The following SHOC1 variants were observed in gnomAD, a reference collection of about 807,000 sequenced individuals.
The protein encoded by SHOC1 is protein shortage in chiasmata 1 ortholog.
In SHOC1, 136 loss-of-function variants were observed where a neutral mutation model predicts 179.2. The observed-to-expected ratio is 0.76, with a 90% confidence interval of 0.66 to 0.87. The LOEUF is 0.87. SHOC1 is among the 40% of genes least tolerant of loss of function. The pLI, the probability that SHOC1 is intolerant of heterozygous loss-of-function variation, is 0.00. For missense variants in SHOC1, 1,538 were observed against 1,700.8 expected (o/e 0.90, Z 1.68); for synonymous variants, 489 against 586.6 (o/e 0.83, Z 2.41).
chr9:111,787,816 A>C (rs1836312995), intron 2 of SHOC1, among the ~76,000 whole-genome samples: 1 of 152,194 alleles, frequency 6.6e-6, no homozygotes, highest in Non-Finnish European at 1.5e-5. Flanking sequence ...TGGTGACTGA[A>C]AGAATCAATG....
chr9:111,776,588 TTGTTCTC>T (rs1282808144), intron 4 of SHOC1, among the ~76,000 whole-genome samples: 1 of 152,216 alleles, frequency 6.6e-6, no homozygotes, highest in Non-Finnish European at 1.5e-5. Context: ...CCAAGATTCC[TTGTTCTC>T]TGGCTTCTAG....
chr9:111,789,808 C>T (rs1026580587), intron 2 of SHOC1, among the ~76,000 whole-genome samples: 1 of 152,196 alleles, frequency 6.6e-6, no homozygotes, highest in African/African-American at 2.4e-5. Flanking sequence ...GGCCAATACA[C>T]ATATTTTGTT....
chr9:111,686,926 GT>G, intron 27 of SHOC1, 56 bp from the exon 28 acceptor site: 1 of 959,068 alleles, frequency 1.0e-6, no homozygotes, highest in Non-Finnish European at 1.5e-6. Context: ...TAAAGTATAG[GT>G]TTTTTCTTTT....
intron 23 of SHOC1, among the ~76,000 whole-genome samples, chr9:111,701,112 C>T (rs934048557): frequency 1.1e-4 from 17 of 152,300 alleles, no homozygotes; most frequent in African/African-American, 3.8e-4. Flanking sequence ...CAGCTATATA[C>T]TGAGTCCTCC....
intron 8 of SHOC1, among the ~76,000 whole-genome samples, chr9:111,751,497 A>G (rs918275446): frequency 6.6e-6 from 1 of 152,174 alleles, no homozygotes; most frequent in African/African-American, 2.4e-5. Flanking sequence ...CATTAATTTT[A>G]TAATACATGT....
intron 1 of SHOC1, among the ~76,000 whole-genome samples, chr9:111,794,496 ATC>A (rs1315324227): frequency 2.6e-5 from 4 of 152,042 alleles, no homozygotes; most frequent in Admixed American, 2.6e-4. Context: ...AGGCAGGAGA[ATC>A]TCTTGAACTC....
At chr9:111,698,668 T>TTAAA (rs1831821197) in intron 24 of SHOC1, among the ~76,000 whole-genome samples, 1 of 152,030 alleles carries the variant, frequency 6.6e-6, no homozygotes, top group Non-Finnish European at 1.5e-5. Flanking sequence ...GCGTTTGAAC[T>TTAAA]GGGCAGTGAA....
intron 12 of SHOC1, among the ~76,000 whole-genome samples, chr9:111,728,383 A>G (rs1564130185): frequency 1.3e-5 from 2 of 152,176 alleles, no homozygotes; most frequent in Non-Finnish European, 2.9e-5. Context: ...GAAAGCCACA[A>G]TGGAAAAAAA....
chr9:111,695,037 CCT>C (rs1285991235), intron 24 of SHOC1, among the ~76,000 whole-genome samples: 4 of 152,034 alleles, frequency 2.6e-5, no homozygotes, highest in African/African-American at 7.2e-5. Context: ...TTCATAATAT[CCT>C]CTGTTTCCTG....
chr9:111,788,064 CT>C (rs35764341), intron 2 of SHOC1, among the ~76,000 whole-genome samples: 1,677 of 122,672 alleles, frequency 0.014, 22 homozygotes, highest in African/African-American at 0.046. Context: ...ATAAACATAA[CT>C]TTTTTTTTTT....
At chr9:111,746,142 G>A (rs1834267273) in intron 10 of SHOC1, 92 bp downstream of exon 10, 1 of 721,782 alleles carries the variant, frequency 1.4e-6, no homozygotes, top group Admixed American at 2.4e-5. Context: ...TTTCATAGAG[G>A]TATCTTGGAA....
intron 3 of SHOC1, 142 bp from the exon 4 acceptor site, chr9:111,781,159 A>G: frequency 1.6e-6 from 1 of 623,608 alleles, no homozygotes; most frequent in African/African-American, 1.9e-5. Flanking sequence ...CCTGATTCCA[A>G]ATATTTGAAT....
intron 3 of SHOC1, among the ~76,000 whole-genome samples, chr9:111,782,727 AAAACAAAAACAAG>A (rs1280190914): frequency 3.9e-5 from 6 of 152,156 alleles, no homozygotes; most frequent in African/African-American, 9.7e-5. Flanking sequence ...AAAAAAAACA[AAAACAAAAACAAG>A]AAACAAAAAC....
chr9:111,690,595 A>C (rs991588641), intron 27 of SHOC1, among the ~76,000 whole-genome samples: 2 of 152,250 alleles, frequency 1.3e-5, no homozygotes, highest in Admixed American at 6.5e-5. Flanking sequence ...AGGTCAGTAG[A>C]GAAAACACAT....
intron 4 of SHOC1, 68 bp downstream of exon 4, chr9:111,780,862 T>C (rs1171582589): frequency 2.9e-6 from 3 of 1,046,636 alleles, no homozygotes; most frequent in African/African-American, 1.6e-5. Flanking sequence ...CCTCTTTAGG[T>C]ATCTGGAGAA....
In SHOC1 at chr9:111,703,939, C is replaced by G. The variant is rs565028622; in HGVS notation, c.2909G>C (p.Gly970Ala). 3.2e-5 allele frequency: 51 copies of G among 1,609,846 alleles called. No homozygotes were observed. In the South Asian group the frequency reaches 5.4e-4, roughly 17 times the overall value. The change falls in exon 22 of 28, where the codon GGA becomes GCA. Residue 970 changes from glycine (G) to alanine (A), a missense_variant. Gly to Ala is a moderately conservative substitution (Grantham distance 60, BLOSUM62 0). Transcript: ENST00000682961. ...RGCSESLKLF[G>A]SSECYVVVTI... Reference sequence around the variant, plus strand: ...CACCACTACATAACACTCTGAACTTCCAAAGAGTTTCAATGACTCACTGCA... The same window carrying G: ...CACCACTACATAACACTCTGAACTTGCAAAGAGTTTCAATGACTCACTGCA...
At chr9:111,715,486 C>G (rs1172012488) in intron 16 of SHOC1, among the ~76,000 whole-genome samples, 1 of 152,158 alleles carries the variant, frequency 6.6e-6, no homozygotes, top group Non-Finnish European at 1.5e-5. Context: ...AGACCTCCCC[C>G]TGATTCTCCA....
chr9:111,722,704 T>A, intron 14 of SHOC1, 119 bp from the exon 15 acceptor site: 1 of 730,272 alleles, frequency 1.4e-6, no homozygotes, highest in Non-Finnish European at 2.1e-6. Context: ...TTTTCTGAGT[T>A]AAAAATAATG....
chr9:111,765,551 T>C (rs1589456433), intron 5 of SHOC1, among the ~76,000 whole-genome samples: 1 of 148,862 alleles, frequency 6.7e-6, no homozygotes, highest in Non-Finnish European at 1.5e-5. Context: ...GATTGCACCA[T>C]TGCACTCCAG....
Sources: gnomAD v4.1 joint callset for allele counts (sites outside exome capture counted in the v4.1 genomes callset) on GRCh38, gnomAD v4.1.1 for gene constraint, MANE v1.5 for transcripts, NCBI Gene and HGNC (gene_info 2026-07-23, HGNC 2026-07-21) for gene names.